Variants in DPP6 observed in about 807,000 individuals in gnomAD.
DPP6 encodes the protein A-type potassium channel modulatory protein DPP6.
In DPP6, 69 loss-of-function variants were observed where a neutral mutation model predicts 122.6. The observed-to-expected ratio is 0.56, with a 90% CI of 0.46 to 0.69. The LOEUF is 0.69. DPP6 is among the 30% of genes least tolerant of loss of function. The pLI is 0.00. For missense variants in DPP6, 928 were observed against 1,116.9 expected, an observed-to-expected ratio of 0.83 and a Z score of 2.41; for synonymous variants, 418 against 433.1, an observed-to-expected ratio of 0.97 and a Z score of 0.43.
intron 1 of DPP6, among the ~76,000 whole-genome samples, chr7:154,374,032 T>TGTTA (rs1345318276): frequency 6.6e-6 from 1 of 152,206 alleles, no homozygotes; most frequent in Non-Finnish European, 1.5e-5. Flanking sequence ...TAAGCCAAAA[T>TGTTA]GTTAGAAACC....
intron 18 of DPP6, among the ~76,000 whole-genome samples, chr7:154,869,920 G>T (rs1003127566): frequency 7.4e-6 from 1 of 134,450 alleles, no homozygotes; most frequent in Non-Finnish European, 1.5e-5. Context: ...AGGTGACCAC[G>T]CCAGGGAAGG....
chr7:154,516,260 T>A (rs1826494354), intron 3 of DPP6, among the ~76,000 whole-genome samples: 1 of 126,226 alleles, frequency 7.9e-6, no homozygotes, highest in African/African-American at 3.1e-5. Flanking sequence ...TACTCCGAAC[T>A]CTGCTTTTTT....
intron 1 of DPP6, among the ~76,000 whole-genome samples, chr7:154,413,780 A>G (rs1816805608): frequency 6.6e-6 from 1 of 152,186 alleles, no homozygotes; most frequent in Non-Finnish European, 1.5e-5. Context: ...TTAAATGAGA[A>G]TCAAAATTCC....
chr7:154,630,207 C>T (rs931032147), intron 5 of DPP6, among the ~76,000 whole-genome samples: 2 of 152,142 alleles, frequency 1.3e-5, no homozygotes, highest in African/African-American at 4.8e-5. Flanking sequence ...ACCTAGCCAC[C>T]CTCTTCTGCT....
At chr7:154,747,393 T>A (rs1292315315) in intron 8 of DPP6, among the ~76,000 whole-genome samples, 1 of 152,202 alleles carries the variant, frequency 6.6e-6, no homozygotes, top group Non-Finnish European at 1.5e-5. Flanking sequence ...GTGTGGAAAC[T>A]GAGAGAGCTC....
intron 7 of DPP6, among the ~76,000 whole-genome samples, chr7:154,678,883 C>T (rs961259485): frequency 1.3e-5 from 2 of 152,114 alleles, no homozygotes; most frequent in African/African-American, 2.4e-5. Flanking sequence ...TTGTAGGGCT[C>T]ATGGTGGAGA....
At chr7:154,062,285 T>C (rs150456043) in intron 1 of DPP6, among the ~76,000 whole-genome samples, 3 of 60,160 alleles carry the variant, frequency 5.0e-5, no homozygotes, top group African/African-American at 1.4e-4. Context: ...TGAGAGCCAG[T>C]CCCTCTTCCC....
chr7:154,534,064 A>G (rs925728775), intron 3 of DPP6, among the ~76,000 whole-genome samples: 1 of 152,136 alleles, frequency 6.6e-6, no homozygotes, highest in African/African-American at 2.4e-5. Flanking sequence ...TATCTTAGGA[A>G]TGCAAAGTTG....
chr7:154,027,173 A>G (rs1798990767), intron 1 of DPP6: 1 of 149,860 alleles, frequency 6.7e-6, no homozygotes, highest in Non-Finnish European at 1.5e-5. Flanking sequence ...TGAATTTAAT[A>G]TAGCATCTTA....
At chr7:153,840,809 G>T in the DPP6 span, among the ~76,000 whole-genome samples, 3 of 152,172 alleles carry the variant, frequency 2.0e-5, no homozygotes, top group African/African-American at 7.2e-5. Flanking sequence ...AAGGATCAGG[G>T]CATGGGTAAT....
Position 154,481,346 on chromosome 7 carries a change from G to T in DPP6, c.457+6309G>T, listed in dbSNP as rs10236408. The stretch of plus-strand genomic sequence containing the variant: ...ATACACTTGGAGAGAGAGAGAGAGG[G>T]GTGTGTGTGTGTGTGTGTGTGTGTG... On this transcript the variant is annotated intron_variant, in intron 3 of 25. Coordinates refer to ENST00000377770, the MANE Select transcript of DPP6 (RefSeq NM_130797.4). The surrounding 1 kb of genome is among the most constrained non-coding windows in gnomAD (Gnocchi z 4.2). 0.27 allele frequency among the ~76,000 whole-genome samples: 39,719 copies of T among 147,690 alleles called. 5,451 individuals are homozygous for T. The highest frequency in any genetic ancestry group is 0.34 in the East Asian group (1,721 of 5,016).
intron 2 of DPP6, among the ~76,000 whole-genome samples, chr7:154,449,874 A>C (rs947024208): frequency 1.8e-4 from 28 of 151,940 alleles, no homozygotes; most frequent in African/African-American, 6.5e-4. Flanking sequence ...CAGGAGTGGT[A>C]ACACATGCCT....
intron 7 of DPP6, among the ~76,000 whole-genome samples, chr7:154,717,674 C>G (rs889806418): frequency 2.0e-5 from 3 of 152,186 alleles, no homozygotes; most frequent in Non-Finnish European, 4.4e-5. Flanking sequence ...GATTCCATGT[C>G]TTGCCTGTTG....
chr7:153,892,790 G>A (rs1034794476), intron 1 of DPP6, among the ~76,000 whole-genome samples: 8 of 152,106 alleles, frequency 5.3e-5, no homozygotes, highest in African/African-American at 1.7e-4. Flanking sequence ...CTCAAAATGG[G>A]TTCCAAAAAT....
intron 6 of DPP6, among the ~76,000 whole-genome samples, chr7:154,645,832 G>T (rs913331352): frequency 6.6e-5 from 10 of 151,844 alleles, no homozygotes; most frequent in Non-Finnish European, 1.3e-4. Flanking sequence ...ATCAAGACCA[G>T]CCTGGCTAAC....
At chr7:154,555,528 A>G (rs1237430210) in intron 4 of DPP6, among the ~76,000 whole-genome samples, 1 of 152,108 alleles carries the variant, frequency 6.6e-6, no homozygotes. Flanking sequence ...ATGACGAGTT[A>G]ATGGGTGCAG....
At chr7:153,932,919 TG>T (rs1298111499) in intron 1 of DPP6, among the ~76,000 whole-genome samples, 1 of 152,156 alleles carries the variant, frequency 6.6e-6, no homozygotes, top group Non-Finnish European at 1.5e-5. Flanking sequence ...ATTTGAATCC[TG>T]GGGGCAGATT....
chr7:153,935,473 T>G (rs1205478098), intron 1 of DPP6, among the ~76,000 whole-genome samples: 1 of 151,974 alleles, frequency 6.6e-6, no homozygotes, highest in Non-Finnish European at 1.5e-5. Flanking sequence ...CCGCACAGAG[T>G]GGAACCTGCC....
chr7:154,790,350 G>C (rs1385316284), intron 10 of DPP6, among the ~76,000 whole-genome samples: 1 of 152,196 alleles, frequency 6.6e-6, no homozygotes, highest in Admixed American at 6.5e-5. Context: ...GGGCCCAAAA[G>C]CTTTATGATA....
Sources: gnomAD v4.1 joint callset for allele counts (sites outside exome capture counted in the v4.1 genomes callset) on GRCh38, gnomAD v4.1.1 for gene constraint, Gnocchi (gnomAD v3.1) non-coding constraint, MANE v1.5 for transcripts, NCBI Gene and HGNC (gene_info 2026-07-23, HGNC 2026-07-21) for gene names.